MICU2: variants seen among roughly 807,000 people sequenced by gnomAD.
MICU2 encodes calcium uptake protein 2, mitochondrial.
MICU2 carries 64 observed loss-of-function variants against 60.4 expected under a neutral mutation model. That is an observed-to-expected ratio of 1.06 (90% CI 0.87 to 1.31). The LOEUF is 1.31. Among genes scored for constraint, MICU2 ranks in the 50% most tolerant of loss-of-function variants. The pLI is 0.00. For synonymous variants in MICU2, 201 were observed against 175.0 expected (o/e 1.15, Z -1.17); for missense variants, 569 against 531.0 (o/e 1.07, Z -0.70).
At chr13:21,589,476 T>C (rs1888527664) in intron 1 of MICU2, among the ~76,000 whole-genome samples, 1 of 152,226 alleles carries the variant, frequency 6.6e-6, no homozygotes, top group African/African-American at 2.4e-5. Flanking sequence ...AAAAAAACTT[T>C]GAAAAGAAAG....
chr13:21,559,865 AT>A (rs764991578), intron 2 of MICU2, among the ~76,000 whole-genome samples: 7 of 152,190 alleles, frequency 4.6e-5, no homozygotes, highest in Non-Finnish European at 1.5e-5. Context: ...CTAACAGTGT[AT>A]AAAAATCTTT....
chr13:21,573,462 C>T (rs928820981), intron 1 of MICU2, among the ~76,000 whole-genome samples: 7 of 152,026 alleles, frequency 4.6e-5, no homozygotes, highest in South Asian at 2.1e-4. Context: ...TTAGTAGGGA[C>T]GGGGTTTCAC....
intron 2 of MICU2, among the ~76,000 whole-genome samples, chr13:21,565,298 G>T (rs879551325): frequency 9.9e-5 from 15 of 151,166 alleles, no homozygotes; most frequent in Non-Finnish European, 1.8e-4. Context: ...GAGGCCAAGG[G>T]GGGTGGATTA....
chr13:21,541,465 T>C (rs1246037726), intron 2 of MICU2, among the ~76,000 whole-genome samples: 1 of 152,196 alleles, frequency 6.6e-6, no homozygotes, highest in African/African-American at 2.4e-5. Context: ...GCAGATTTCA[T>C]ACCTGTCTTA....
intron 1 of MICU2, among the ~76,000 whole-genome samples, chr13:21,594,809 A>G (rs1481893703): frequency 6.6e-6 from 1 of 152,172 alleles, no homozygotes; most frequent in African/African-American, 2.4e-5. Flanking sequence ...GTTCTCACTC[A>G]TAAATGGAAG....
At chr13:21,501,492 G>C (rs924885934) in intron 9 of MICU2, among the ~76,000 whole-genome samples, 2 of 152,104 alleles carry the variant, frequency 1.3e-5, no homozygotes, top group Non-Finnish European at 2.9e-5. Flanking sequence ...TTGATCTCCT[G>C]ACCTCATGAT....
chr13:21,598,126 G>A (rs2761923), intron 1 of MICU2, among the ~76,000 whole-genome samples: 4,985 of 151,780 alleles, frequency 0.033, 281 homozygotes, highest in African/African-American at 0.11. Context: ...TATAGAGAAT[G>A]CTATGCAAAA....
chr13:21,578,790 T>C (rs1269029606), intron 1 of MICU2, among the ~76,000 whole-genome samples: 1 of 152,176 alleles, frequency 6.6e-6, no homozygotes, highest in East Asian at 1.9e-4. Context: ...TTACTGCATA[T>C]TGCTAATTAC....
rs745455755 is a variant in MICU2, at chr13:21,549,092, A to AT, written c.359-9405dup. The stretch of plus-strand genomic sequence containing the variant: ...AGGCGCCCGCCACCACACCTGGCTC[A>AT]TTTTTTTTTTGCATTTTTAGTAGAG... On this transcript the variant is annotated intron_variant, in intron 2 of 11. Transcript: ENST00000382374. Among the ~76,000 whole-genome samples, 620 of 146,436 alleles carry AT rather than the reference A, an allele frequency of 4.2e-3. 3 individuals carry two copies. Among genetic ancestry groups the AT allele is most frequent in the African/African-American group, 0.013 (523 of 39,960 alleles).
chr13:21,534,299 G>A (rs112778710), intron 4 of MICU2, among the ~76,000 whole-genome samples: 7 of 151,888 alleles, frequency 4.6e-5, no homozygotes, highest in African/African-American at 1.7e-4. Flanking sequence ...AGCTTCTTAG[G>A]ATCAAGTGAT....
rs185444789 is a variant in MICU2 at position 21,530,750 on chromosome 13, C to T, written c.467-8100G>A. 6.5e-4 allele frequency: 363 copies of T among 557,086 alleles called. 3 individuals carry two copies. In the East Asian group the frequency reaches 8.0e-3, roughly 12 times the overall value. 34.5% of individuals were successfully genotyped at this position (557,086 alleles called of 1,614,324 possible). A position where few individuals can be genotyped will look rare whatever the true frequency, so the allele number is the denominator to read the frequency against. Reference sequence around the variant, plus strand: ...CGAGCCCAGACAGCCAGAGCAGCCCCCACCCCAGCCATACCCACCACCGCC... The same window carrying T: ...CGAGCCCAGACAGCCAGAGCAGCCCTCACCCCAGCCATACCCACCACCGCC... On this transcript the variant is annotated intron_variant, in intron 4 of 11. Transcript: ENST00000382374.
At chr13:21,573,556 G>C (rs892669710) in intron 1 of MICU2, among the ~76,000 whole-genome samples, 1 of 152,180 alleles carries the variant, frequency 6.6e-6, no homozygotes, top group Non-Finnish European at 1.5e-5. Flanking sequence ...ACAGGTGTGA[G>C]CCACTGCGCC....
intron 1 of MICU2, among the ~76,000 whole-genome samples, chr13:21,585,889 G>A (rs368768644): frequency 6.6e-6 from 1 of 151,980 alleles, no homozygotes; most frequent in African/African-American, 2.4e-5. Context: ...TAATATCAAA[G>A]AAAAGCAAAC....
chr13:21,563,808 AAC>A (rs1339308911), intron 2 of MICU2, among the ~76,000 whole-genome samples: 1 of 133,434 alleles, frequency 7.5e-6, no homozygotes, highest in African/African-American at 2.5e-5. Flanking sequence ...GGGCCCAACA[AAC>A]ACATTTTTTT....
chr13:21,495,448 A>G, intron 10 of MICU2, 130 bp from the exon 11 acceptor site: 1 of 867,472 alleles, frequency 1.2e-6, no homozygotes, highest in Non-Finnish European at 1.7e-6. Context: ...AACAAAAACA[A>G]AAATACCCAT....
chr13:21,571,084 A>G (rs1888097105), intron 1 of MICU2, among the ~76,000 whole-genome samples: 2 of 150,512 alleles, frequency 1.3e-5, no homozygotes, highest in Admixed American at 1.3e-4. Context: ...CTTCCCTCTT[A>G]GGTTTCAGGT....
intron 4 of MICU2, among the ~76,000 whole-genome samples, chr13:21,528,350 T>C (rs1886905928): frequency 6.6e-6 from 1 of 152,240 alleles, no homozygotes. Context: ...AAAGTGTATC[T>C]TCTGAATCTT....
At chr13:21,585,412 C>G (rs1030042080) in intron 1 of MICU2, among the ~76,000 whole-genome samples, 1 of 152,172 alleles carries the variant, frequency 6.6e-6, no homozygotes, top group African/African-American at 2.4e-5. Context: ...AAGTTTACTG[C>G]TCTTGGCCTA....
intron 4 of MICU2, among the ~76,000 whole-genome samples, chr13:21,537,970 T>G (rs1887175482): frequency 6.6e-6 from 1 of 152,196 alleles, no homozygotes; most frequent in African/African-American, 2.4e-5. Context: ...CCTTCTTTCC[T>G]ATTTTCCAGG....
Sources: gnomAD v4.1 joint callset for allele counts (sites outside exome capture counted in the v4.1 genomes callset) on GRCh38, gnomAD v4.1.1 for gene constraint, MANE v1.5 for transcripts, NCBI Gene and HGNC (gene_info 2026-07-23, HGNC 2026-07-21) for gene names.